The following DNER variants were observed in gnomAD, a reference collection of about 807,000 sequenced individuals.
DNER encodes the protein delta and Notch-like epidermal growth factor-related receptor.
In DNER, 33 loss-of-function variants were observed where a neutral mutation model predicts 78.2. The ratio of observed to expected loss-of-function variants is 0.42; its 90% CI spans 0.32 to 0.56. DNER has a LOEUF of 0.56. DNER is among the 20% of genes least tolerant of loss of function. The probability of loss-of-function intolerance (pLI) is 0.11; values close to 1 mark genes in which losing one functional copy is unlikely to be tolerated. For missense variants in DNER, 918 were observed against 975.3 expected (o/e 0.94, Z 0.78); for synonymous variants, 417 against 384.8 (o/e 1.08, Z -0.98).
At chr2:229,702,192 T>C (rs1471375388) in intron 1 of DNER, 1 of 157,474 alleles carries the variant, frequency 6.4e-6, no homozygotes, top group African/African-American at 2.4e-5. Flanking sequence ...TCCTGCTCTG[T>C]TCTGGTAAAC....
intron 6 of DNER, among the ~76,000 whole-genome samples, chr2:229,499,444 CAAA>C (rs777417272): frequency 1.7e-4 from 13 of 74,794 alleles, no homozygotes; most frequent in East Asian, 4.2e-4. Context: ...GACTCCAACT[CAAA>C]AAAAAAAAAA....
chr2:229,543,161 AAAAAG>A (rs1334090663), intron 5 of DNER, among the ~76,000 whole-genome samples: 1 of 149,192 alleles, frequency 6.7e-6, no homozygotes, highest in Non-Finnish European at 1.5e-5. Context: ...GTATTAAAAA[AAAAAG>A]AAGAAGAAGA....
At chr2:229,688,727 T>C (rs1211184294) in intron 1 of DNER, among the ~76,000 whole-genome samples, 1 of 152,156 alleles carries the variant, frequency 6.6e-6, no homozygotes, top group East Asian at 1.9e-4. Flanking sequence ...CTATTCATGG[T>C]AGCAAAGACA....
At chr2:229,472,782 T>G (rs897926510) in intron 7 of DNER, among the ~76,000 whole-genome samples, 6 of 152,218 alleles carry the variant, frequency 3.9e-5, no homozygotes, top group Non-Finnish European at 5.9e-5. Flanking sequence ...TTTTATTTCT[T>G]ATCATCCCCA....
intron 4 of DNER, among the ~76,000 whole-genome samples, chr2:229,569,466 G>A (rs1697176142): frequency 6.6e-6 from 1 of 152,052 alleles, no homozygotes; most frequent in Admixed American, 6.6e-5. Context: ...AGGTTGCAGT[G>A]AGCCAAGATC....
chr2:229,502,734 G>C (rs1307598651), intron 6 of DNER, among the ~76,000 whole-genome samples: 1 of 152,210 alleles, frequency 6.6e-6, no homozygotes, highest in East Asian at 1.9e-4. Flanking sequence ...CCAACAATGG[G>C]TAGAGATATC....
intron 1 of DNER, among the ~76,000 whole-genome samples, chr2:229,695,805 G>A (rs570125714): frequency 5.9e-5 from 9 of 152,286 alleles, no homozygotes; most frequent in East Asian, 5.8e-4. Context: ...TTCTGGGAAC[G>A]GAGGATGAAT....
Position 229,620,524 on chromosome 2 carries a change from C to T in DNER, c.277-28636G>A, listed in dbSNP as rs142587393. Among the ~76,000 whole-genome samples the T allele has an allele frequency of 2.6e-5, 4 of 152,294 alleles. No homozygotes were observed. The East Asian group carries it at 7.7e-4, about 29-fold the overall frequency. ...CCTCACTGCGTGTGATGAGATGAGCCGCAGCCTCGAGGCAGAAGCAGCCCT... is the reference window on the plus strand; with the variant it reads ...CCTCACTGCGTGTGATGAGATGAGCTGCAGCCTCGAGGCAGAAGCAGCCCT... On this transcript the variant is annotated intron_variant, in intron 1 of 12. Coordinates refer to ENST00000341772, the MANE Select transcript of DNER (RefSeq NM_139072.4).
intron 4 of DNER, among the ~76,000 whole-genome samples, chr2:229,575,672 G>A (rs1363740082): frequency 1.3e-5 from 2 of 152,098 alleles, no homozygotes; most frequent in African/African-American, 2.4e-5. Context: ...CATCCCAGCA[G>A]GGCCAATGGA....
chr2:229,412,900 C>T (rs1693553560), intron 9 of DNER, among the ~76,000 whole-genome samples: 1 of 152,118 alleles, frequency 6.6e-6, no homozygotes, highest in Admixed American at 6.6e-5. Context: ...CATGAATTTT[C>T]CTGAAACCTC....
intron 1 of DNER, among the ~76,000 whole-genome samples, chr2:229,592,552 T>C (rs1038759536): frequency 2.0e-5 from 3 of 152,218 alleles, no homozygotes; most frequent in African/African-American, 7.2e-5. Context: ...ATGTGACCCC[T>C]TCCCTCGCCA....
At chr2:229,535,301 A>G (rs1272117942) in intron 5 of DNER, among the ~76,000 whole-genome samples, 1 of 152,212 alleles carries the variant, frequency 6.6e-6, no homozygotes, top group Non-Finnish European at 1.5e-5. Flanking sequence ...CAGTTTTGTA[A>G]ATAAAACGAC....
intron 4 of DNER, among the ~76,000 whole-genome samples, chr2:229,581,290 T>C (rs543696776): frequency 1.8e-4 from 27 of 152,268 alleles, no homozygotes; most frequent in Non-Finnish European, 4.0e-4. Flanking sequence ...AACTGTTTCA[T>C]GGAAATGTGA....
At chr2:229,651,470 C>A (rs188904361) in intron 1 of DNER, among the ~76,000 whole-genome samples, 13 of 152,230 alleles carry the variant, frequency 8.5e-5, no homozygotes, top group South Asian at 4.2e-4. Flanking sequence ...TCTTTTTTGC[C>A]CTCTGCAGGT....
chr2:229,667,935 G>A (rs959938927), intron 1 of DNER, among the ~76,000 whole-genome samples: 1 of 152,236 alleles, frequency 6.6e-6, no homozygotes, highest in Non-Finnish European at 1.5e-5. Flanking sequence ...TTTGGCCATG[G>A]AGGGACTCAT....
chr2:229,578,264 C>G (rs1052493225), intron 4 of DNER, among the ~76,000 whole-genome samples: 3 of 152,142 alleles, frequency 2.0e-5, no homozygotes, highest in Non-Finnish European at 4.4e-5. Context: ...CACCCTGAGT[C>G]TTCCACAGGG....
At chr2:229,573,402 G>T (rs55941247) in intron 4 of DNER, among the ~76,000 whole-genome samples, 741 of 152,262 alleles carry the variant, frequency 4.9e-3, no homozygotes, top group Middle Eastern at 0.014. Context: ...TTCTTCTGCT[G>T]ACATGTTCGA....
intron 4 of DNER, among the ~76,000 whole-genome samples, chr2:229,550,769 G>A (rs151118208): frequency 6.6e-6 from 1 of 151,684 alleles, no homozygotes; most frequent in East Asian, 1.9e-4. Context: ...GCGAGACTCT[G>A]TCTCAAAAAA....
intron 8 of DNER, among the ~76,000 whole-genome samples, chr2:229,430,115 C>T (rs921467643): frequency 3.3e-5 from 5 of 152,050 alleles, no homozygotes; most frequent in Non-Finnish European, 7.4e-5. Context: ...TTACCAGTGC[C>T]TGTTTTGCAC....
Sources: allele counts gnomAD v4.1 joint callset (sites outside exome capture counted in the v4.1 genomes callset), GRCh38; gene constraint gnomAD v4.1.1; transcripts MANE v1.5; gene names NCBI Gene and HGNC (gene_info 2026-07-23, HGNC 2026-07-21).